GLB1L3: variants seen among roughly 807,000 people sequenced by gnomAD.
GLB1L3 encodes the protein galactosidase beta 1 like 3, also known as beta-galactosidase-1-like protein 3.
GLB1L3 carries 89 observed loss-of-function variants against 89.5 expected under a neutral mutation model. The ratio of observed to expected loss-of-function variants is 0.99; its 90% CI spans 0.84 to 1.19. GLB1L3 has a LOEUF of 1.19. Ranked by LOEUF, GLB1L3 falls within the 50% of genes most tolerant of loss-of-function variation. The pLI is 0.00. For synonymous variants in GLB1L3, 314 were observed against 312.3 expected, an observed-to-expected ratio of 1.01 and a Z score of -0.06; for missense variants, 812 against 813.3, an observed-to-expected ratio of 1.00 and a Z score of 0.02.
chr11:134,278,999 C>T (rs1045054854), intron 3 of GLB1L3, among the ~76,000 whole-genome samples: 17 of 152,146 alleles, frequency 1.1e-4, no homozygotes, highest in African/African-American at 4.1e-4. Flanking sequence ...GATTGCTAGA[C>T]TTTATTTGCT....
rs776385161 is a variant in GLB1L3 at position 134,282,124 on chromosome 11, A to G, written c.527+4A>G. 12 of 1,566,448 alleles carry G rather than the reference A, an allele frequency of 7.7e-6. No individual in the cohort carries two copies. The highest frequency in any genetic ancestry group is 1.0e-5 in the Non-Finnish European group (12 of 1,153,254). ...TGGACCTCGGGGGCTTGCCCAGGTA[A>G]GCGGGGCTACAGTCCCAGAGTCGTG... On this transcript the variant is annotated splice_donor_region_variant and intron_variant, in intron 5 of 19. Transcript: ENST00000431683.
At chr11:134,282,503 C>T (rs757370431) in intron 5 of GLB1L3, among the ~76,000 whole-genome samples, 61 of 152,196 alleles carry the variant, frequency 4.0e-4, no homozygotes, top group Non-Finnish European at 8.5e-4. Context: ...GGACCAGAAG[C>T]TTTAAGGCCT....
At chr11:134,279,745 A>C (rs192827950) in intron 3 of GLB1L3, among the ~76,000 whole-genome samples, 385 of 152,046 alleles carry the variant, frequency 2.5e-3, no homozygotes, top group Non-Finnish European at 4.4e-3. Context: ...TATATACATC[A>C]CGTTGTGTAT....
At chr11:134,284,508 A>G (rs1428531698) in intron 6 of GLB1L3, among the ~76,000 whole-genome samples, 1 of 152,116 alleles carries the variant, frequency 6.6e-6, no homozygotes, top group African/African-American at 2.4e-5. Context: ...CAGGGGGGTC[A>G]CCTGAGGTCA....
At chr11:134,285,804 GGTA>G (rs367900763) in intron 6 of GLB1L3, among the ~76,000 whole-genome samples, 5 of 152,032 alleles carry the variant, frequency 3.3e-5, no homozygotes, top group African/African-American at 1.2e-4. Flanking sequence ...TGGATTTTTA[GGTA>G]GTAGTAGGCT....
At chr11:134,308,350 T>TCAC (rs1565413250) in intron 10 of GLB1L3, among the ~76,000 whole-genome samples, 2 of 19,348 alleles carry the variant, frequency 1.0e-4, no homozygotes, top group East Asian at 2.0e-3. Context: ...ATCATCACCA[T>TCAC]CACCACTACC....
chr11:134,303,159 C>G (rs1400539505), intron 9 of GLB1L3, among the ~76,000 whole-genome samples: 1 of 152,106 alleles, frequency 6.6e-6, no homozygotes, highest in Non-Finnish European at 1.5e-5. Context: ...CATGCCAGAC[C>G]TCTCTGATTA....
At chr11:134,308,521 G>C (rs1188470968) in intron 10 of GLB1L3, among the ~76,000 whole-genome samples, 22 of 16,892 alleles carry the variant, frequency 1.3e-3, no homozygotes, top group Admixed American at 2.7e-3. Context: ...CCACCACCAT[G>C]TCCACCACCA....
intron 10 of GLB1L3, among the ~76,000 whole-genome samples, 170 bp downstream of exon 10, chr11:134,307,378 TTAC>T (rs778820584): frequency 1.9e-4 from 29 of 152,152 alleles, no homozygotes; most frequent in Non-Finnish European, 3.2e-4. Flanking sequence ...TGGATAGAAA[TTAC>T]ATGGTTCCCA....
rs746099214 is a variant in GLB1L3, at chr11:134,311,114, C to G, written c.1231C>G (p.Pro411Ala). Residue 411 changes from proline to alanine, a missense_variant, in exon 13 of 20, where the codon CCC (proline) becomes GCC (alanine). Transcript: ENST00000431683. ...PKLPPKAVYP[P>A]VRPSLYLPLW... is the part of the protein sequence containing the mutation. ...ACTTCCTCCCAAGGCTGTGTATCCC[C>G]CCGTGAGACCGTCGCTGTACCTCCC... The G allele has an allele frequency of 4.3e-6, 7 of 1,613,912 alleles. No homozygotes were observed. Among genetic ancestry groups the G allele is most frequent in the Non-Finnish European group, 5.9e-6 (7 of 1,179,864 alleles).
At chr11:134,298,308 C>A (rs1467110454) in intron 9 of GLB1L3, among the ~76,000 whole-genome samples, 1 of 152,132 alleles carries the variant, frequency 6.6e-6, no homozygotes. Flanking sequence ...CTTCTAAACT[C>A]ATTTTATGAG....
At chr11:134,288,983 A>G (rs569284204) in intron 7 of GLB1L3, 93 bp downstream of exon 7, 3 of 835,488 alleles carry the variant, frequency 3.6e-6, no homozygotes, top group South Asian at 3.7e-5. Flanking sequence ...CGGGCTGGAC[A>G]CTGTGCATTC....
chr11:134,308,191 C>CACT (rs1565412181), intron 10 of GLB1L3, among the ~76,000 whole-genome samples: 87 of 106,268 alleles, frequency 8.2e-4, no homozygotes, highest in African/African-American at 4.2e-3. Flanking sequence ...TCACCATCAT[C>CACT]ACCATCACCA....
At chr11:134,300,727 C>T (rs1303041865) in intron 9 of GLB1L3, among the ~76,000 whole-genome samples, 2 of 152,180 alleles carry the variant, frequency 1.3e-5, no homozygotes, top group African/African-American at 4.8e-5. Context: ...AACGTGCCCT[C>T]GCATGGTCTT....
Position 134,277,376 on chromosome 11 carries a change from T to C in GLB1L3, c.74T>C (p.Ile25Thr). Residue 25 changes from isoleucine (I) to threonine (T), a missense_variant, in exon 2 of 20, where the codon ATC (isoleucine) becomes ACC (threonine). Ile to Thr is a moderately conservative substitution (Grantham distance 89, BLOSUM62 -1). This residue lies in a region of GLB1L3 where 191 missense variants were observed against 191.4 expected (regional missense o/e 1.00). Coordinates refer to ENST00000431683, the MANE Select transcript of GLB1L3 (RefSeq NM_001080407.3). Reference protein sequence around the residue: ...RMAGIFFLPFISSGFAPRFKQ... With the variant: ...RMAGIFFLPFTSSGFAPRFKQ... ...GCGGGCATCTTTTTCCTGCCATTTA[T>C]CTCATCAGGTTTTGCTCCTCGGTTT... The C allele has an allele frequency of 6.2e-7, 1 of 1,613,982 alleles. No individual in the cohort carries two copies. The highest frequency in any genetic ancestry group is 1.1e-5 in the South Asian group (1 of 91,092).
At chr11:134,321,357 AAAAC>A (rs148649794), downstream of GLB1L3, among the ~76,000 whole-genome samples, 7,704 of 152,234 alleles carry the variant, frequency 0.051, 588 homozygotes, top group African/African-American at 0.17. Flanking sequence ...AGAGTAAGAA[AAAAC>A]AAACAAACAA....
chr11:134,279,030 TTTATGA>T (rs1439073867), intron 3 of GLB1L3, among the ~76,000 whole-genome samples: 2 of 152,206 alleles, frequency 1.3e-5, no homozygotes, highest in Non-Finnish European at 1.5e-5. Context: ...TTCAAATGTG[TTTATGA>T]TTATAAGCAA....
intron 10 of GLB1L3, among the ~76,000 whole-genome samples, chr11:134,308,556 T>TCACCACCACCACCACCATCACCATCAC (rs1942514156): frequency 1.7e-5 from 1 of 57,522 alleles, no homozygotes; most frequent in East Asian, 5.5e-4. Context: ...ACCATCACCA[T>TCACCACCACCACCACCATCACCATCAC]CACCACCACC....
At chr11:134,279,360 TTTTC>T (rs1940556318) in intron 3 of GLB1L3, among the ~76,000 whole-genome samples, 1 of 133,736 alleles carries the variant, frequency 7.5e-6, no homozygotes, top group African/African-American at 2.8e-5. Context: ...TCTGTTTTCT[TTTTC>T]TTTTTTTTTT....
Sources: allele counts gnomAD v4.1 joint callset (sites outside exome capture counted in the v4.1 genomes callset), GRCh38; gene constraint gnomAD v4.1.1; regional missense constraint gnomAD v4.1.1; transcripts MANE v1.5; gene names NCBI Gene and HGNC (gene_info 2026-07-23, HGNC 2026-07-21).